Variants in EPHB1 observed in about 807,000 individuals in gnomAD.
EPHB1 encodes EPH receptor B1, also known as ephrin type-B receptor 1.
A neutral mutation model predicts 94.4 loss-of-function variants in EPHB1; 30 were observed. The observed-to-expected ratio is 0.32, with a 90% CI of 0.24 to 0.43. EPHB1 has a LOEUF of 0.43. Among genes scored for constraint, EPHB1 ranks in the 20% least tolerant of loss-of-function variants. The probability of loss-of-function intolerance (pLI) is 1.00; values close to 1 mark genes in which losing one functional copy is unlikely to be tolerated. For synonymous variants in EPHB1, 522 were observed against 489.1 expected, an observed-to-expected ratio of 1.07 and a Z score of -0.89; for missense variants, 1,055 against 1,308.3, an observed-to-expected ratio of 0.81 and a Z score of 2.99.
intron 3 of EPHB1, among the ~76,000 whole-genome samples, chr3:134,969,230 G>T (rs73214150): frequency 2.0e-5 from 3 of 152,102 alleles, no homozygotes; most frequent in Non-Finnish European, 2.9e-5. Flanking sequence ...GTATCTCATG[G>T]TGATATTAAT....
At position 135,166,085 on chromosome 3, in the gene EPHB1, T is replaced by C. The variant is rs1411213475; in HGVS notation, c.1694+9T>C. 1 of 1,606,198 alleles carries C rather than the reference T, an allele frequency of 6.2e-7. No homozygotes were observed. The highest frequency in any genetic ancestry group is 2.2e-5 in the East Asian group (1 of 44,840). ...TCTATCGTCTGTAGCAGGTAGGTCC[T>C]CCACTCTCACTTGCTCTCCTTGGAC... On this transcript the variant is annotated intron_variant, in intron 8 of 15. Coordinates refer to ENST00000398015, the MANE Select transcript of EPHB1 (RefSeq NM_004441.5).
chr3:135,179,145 T>C (rs1942076670), intron 9 of EPHB1, among the ~76,000 whole-genome samples: 2 of 152,216 alleles, frequency 1.3e-5, no homozygotes, highest in Admixed American at 6.5e-5. Context: ...TCTATATTCC[T>C]TTATGTATTT....
At chr3:135,118,272 T>C (rs902645577) in intron 4 of EPHB1, among the ~76,000 whole-genome samples, 2 of 152,202 alleles carry the variant, frequency 1.3e-5, no homozygotes, top group African/African-American at 2.4e-5. Flanking sequence ...CTGTGTGCCA[T>C]GGTGCTCCAC....
chr3:135,030,542 C>G (rs1424828035), intron 3 of EPHB1, among the ~76,000 whole-genome samples: 1 of 152,202 alleles, frequency 6.6e-6, no homozygotes, highest in Non-Finnish European at 1.5e-5. Flanking sequence ...GGTCGGGGGT[C>G]AGGGGTCAGG....
intron 1 of EPHB1, among the ~76,000 whole-genome samples, chr3:134,916,697 G>A (rs111634902): frequency 1.1e-4 from 16 of 152,308 alleles, no homozygotes; most frequent in African/African-American, 3.6e-4. Flanking sequence ...ACTGGCGCTG[G>A]CCCACAAGAG....
chr3:135,079,098 AAAAC>A lies in EPHB1; in HGVS notation c.806-27339_806-27336del, dbSNP rs201162652. 5.7e-5 allele frequency among the ~76,000 whole-genome samples: 8 copies of A among 139,816 alleles called. No individual in the cohort carries two copies. The South Asian group carries it at 1.0e-3, about 18-fold the overall frequency. The allele number at this position is 139,816 out of a possible 152,430, so 91.7% of individuals were successfully genotyped here. On this transcript the variant is annotated intron_variant, in intron 3 of 15. Coordinates refer to ENST00000398015, the MANE Select transcript of EPHB1 (RefSeq NM_004441.5). ...ACGTAAAAACAAGCAAAAAAAAAAC[AAAAC>A]AAACAAACAAGCAAAAACCCCCAAA...
rs964340990 is a variant in EPHB1, at chr3:134,807,501, G to A, written c.58+11812G>A. Among the ~76,000 whole-genome samples the A allele has an allele frequency of 5.2e-5, 6 of 115,210 alleles. No individual in the cohort carries two copies. In the Admixed American group the frequency reaches 5.5e-4, roughly 11 times the overall value. The allele number at this position is 115,210 out of a possible 152,430, so 75.6% of individuals were successfully genotyped here. ...GGAAGGATTTGGGGAAGGAGTGTGT[G>A]TGTGTGTGTGTGTGTGTGTGTGTGC... On this transcript the variant is annotated intron_variant, in intron 1 of 15. Transcript: ENST00000398015.
intron 12 of EPHB1, among the ~76,000 whole-genome samples, chr3:135,238,723 C>T (rs977822541): frequency 6.6e-6 from 1 of 152,094 alleles, no homozygotes; most frequent in East Asian, 1.9e-4. Context: ...CAATCTGGTT[C>T]TCTGTCTCTG....
intron 1 of EPHB1, among the ~76,000 whole-genome samples, chr3:134,842,814 T>C (rs2036801099): frequency 6.6e-6 from 1 of 152,190 alleles, no homozygotes. Context: ...AAGTGGCTTC[T>C]CCCCCATGAA....
intron 5 of EPHB1, among the ~76,000 whole-genome samples, chr3:135,143,592 A>G (rs1940904016): frequency 1.3e-5 from 2 of 152,170 alleles, no homozygotes; most frequent in Admixed American, 1.3e-4. Flanking sequence ...ATGATCAATC[A>G]TTAAACAGAC....
chr3:134,827,363 GCACACACACACACACA>G (rs61002729), intron 1 of EPHB1, among the ~76,000 whole-genome samples: 2 of 150,770 alleles, frequency 1.3e-5, no homozygotes, highest in South Asian at 4.2e-4. Context: ...GGGTGCGCGT[GCACACACACACACACA>G]CACACACACA....
At chr3:135,209,495 A>G (rs1942981195) in intron 12 of EPHB1, among the ~76,000 whole-genome samples, 1 of 152,236 alleles carries the variant, frequency 6.6e-6, no homozygotes, top group Non-Finnish European at 1.5e-5. Context: ...TTCAAAATTT[A>G]TAACTTGGGT....
At chr3:134,905,748 C>A (rs1471118643) in intron 1 of EPHB1, among the ~76,000 whole-genome samples, 1 of 152,166 alleles carries the variant, frequency 6.6e-6, no homozygotes, top group African/African-American at 2.4e-5. Context: ...TGACCAGGAG[C>A]CTTGCTGTGG....
Position 134,951,500 on chromosome 3 carries a change from A to G in EPHB1, c.253A>G (p.Ile85Val), listed in dbSNP as rs1173815598. Reference protein sequence around the residue: ...TFINRRGAHRIYTEMRFTVRD... With the variant: ...TFINRRGAHRVYTEMRFTVRD... ...CATCAACCGGCGGGGGGCCCATCGCATCTACACAGAGATGCGCTTCACTGT... is the reference window on the plus strand; with the variant it reads ...CATCAACCGGCGGGGGGCCCATCGCGTCTACACAGAGATGCGCTTCACTGT... Residue 85 changes from isoleucine (I) to valine (V), a missense_variant, in exon 3 of 16, where the codon ATC (isoleucine) becomes GTC (valine). By Grantham distance (29) the Ile-to-Val change is conservative. Transcript: ENST00000398015. The surrounding 1 kb of genome is among the most constrained non-coding windows in gnomAD (Gnocchi z 4.5). 6 of 1,613,664 alleles carry G rather than the reference A, an allele frequency of 3.7e-6. No individual in the cohort carries two copies. The highest frequency in any genetic ancestry group is 1.3e-5 in the African/African-American group (1 of 74,892).
chr3:134,961,760 T>C (rs914929672), intron 3 of EPHB1, among the ~76,000 whole-genome samples: 3 of 152,226 alleles, frequency 2.0e-5, no homozygotes, highest in Admixed American at 1.3e-4. Flanking sequence ...TGAGTGTTAT[T>C]ATTTCATTGC....
chr3:135,158,053 G>C (rs1048890443), intron 6 of EPHB1, among the ~76,000 whole-genome samples: 1 of 152,160 alleles, frequency 6.6e-6, no homozygotes, highest in Non-Finnish European at 1.5e-5. Context: ...AAGCACCTCC[G>C]ATGCTGAGGA....
chr3:134,908,442 G>T (rs909719477), intron 1 of EPHB1, among the ~76,000 whole-genome samples: 11 of 152,192 alleles, frequency 7.2e-5, no homozygotes, highest in African/African-American at 2.7e-4. Flanking sequence ...CAGGCAGCCT[G>T]CAGGGAAGGG....
At position 135,140,655 on chromosome 3, in the gene EPHB1, A is replaced by T. The variant is rs144167772; in HGVS notation, c.1297+7606A>T. On this transcript the variant is annotated intron_variant, in intron 5 of 15. Transcript: ENST00000398015. ...CTTCCTGTGTGCACTGCACCCCCAA[A>T]CCATAACCATGTTCTGTGAGAGTTG... Among the ~76,000 whole-genome samples, 1,314 of 152,160 alleles carry T rather than the reference A, an allele frequency of 8.6e-3. 4 individuals carry two copies. Among genetic ancestry groups the T allele is most frequent in the Non-Finnish European group, 0.014 (955 of 68,004 alleles).
intron 3 of EPHB1, among the ~76,000 whole-genome samples, chr3:135,027,353 G>C (rs1186474836): frequency 6.8e-6 from 1 of 146,940 alleles, no homozygotes; most frequent in Non-Finnish European, 1.5e-5. Flanking sequence ...CTGTGGGTTT[G>C]TCATAGATAG....
Sources: allele counts gnomAD v4.1 joint callset (sites outside exome capture counted in the v4.1 genomes callset), GRCh38; gene constraint gnomAD v4.1.1; non-coding constraint Gnocchi (gnomAD v3.1); transcripts MANE v1.5; gene names NCBI Gene and HGNC (gene_info 2026-07-23, HGNC 2026-07-21).